Variants in CD46 observed in about 807,000 individuals in gnomAD.
CD46 encodes CD46 molecule.
Under a neutral mutation model 53.3 loss-of-function variants are expected in CD46, and 30 were observed. The observed-to-expected ratio is 0.56, with a 90% CI of 0.42 to 0.76. The LOEUF (loss-of-function observed/expected upper bound fraction) is 0.76. Ranked by LOEUF, CD46 falls within the 30% of genes least tolerant of loss-of-function variation. The pLI is 0.00. For synonymous variants in CD46, 142 were observed against 152.0 expected, an observed-to-expected ratio of 0.93 and a Z score of 0.48; for missense variants, 409 against 463.0, an observed-to-expected ratio of 0.88 and a Z score of 1.07.
intron 11 of CD46, among the ~76,000 whole-genome samples, chr1:207,789,870 G>GAAAAAAAAA (rs150136290): frequency 4.6e-5 from 2 of 43,346 alleles, no homozygotes; most frequent in African/African-American, 9.2e-5. Flanking sequence ...GCTGTGTCTT[G>GAAAAAAAAA]AAAAAAAAAA....
chr1:207,770,286 C>T, intron 7 of CD46, 35 bp from the exon 8 acceptor site: 1 of 1,474,412 alleles, frequency 6.8e-7, no homozygotes, highest in Non-Finnish European at 9.5e-7. Flanking sequence ...TGATAAGGCC[C>T]TGGTGAATTT....
intron 12 of CD46, 52 bp from the exon 13 acceptor site, chr1:207,793,467 C>A: frequency 1.5e-6 from 2 of 1,373,102 alleles, no homozygotes; most frequent in Non-Finnish European, 2.1e-6. Flanking sequence ...AATTTAATTT[C>A]TGTACTTAAT....
At position 207,752,389 on chromosome 1, in the gene CD46, T is replaced by C. The variant is rs530222855; in HGVS notation, c.97+80T>C. The C allele has an allele frequency of 7.2e-5, 95 of 1,324,748 alleles. No homozygotes were observed. The highest frequency in any genetic ancestry group is 1.0e-4 in the Non-Finnish European group (92 of 921,158). The allele number at this position is 1,324,748 out of a possible 1,614,324, so 82.1% of individuals were successfully genotyped here. On this transcript the variant is annotated intron_variant, in intron 1 of 12. Coordinates refer to ENST00000367042, the MANE Select transcript of CD46 (RefSeq NM_172351.3). The surrounding 1 kb of genome is among the most constrained non-coding windows in gnomAD (Gnocchi z 4.1). ...TCGGGCAAGAGTCGCGGGGCGGGGC[T>C]CACAGCAGGCCGTGCCTGTTTGGGG...
chr1:207,781,059 G>A (rs923042255), intron 8 of CD46, among the ~76,000 whole-genome samples: 1 of 150,686 alleles, frequency 6.6e-6, no homozygotes, highest in Admixed American at 6.6e-5. Context: ...TCTTAAAGGC[G>A]CCACCCCAAT....
At chr1:207,771,375 T>A (rs1049170139) in intron 8 of CD46, among the ~76,000 whole-genome samples, 1 of 152,254 alleles carries the variant, frequency 6.6e-6, no homozygotes, top group Non-Finnish European at 1.5e-5. Flanking sequence ...TAGTTTCTTT[T>A]GCTGTGCAGA....
intron 8 of CD46, among the ~76,000 whole-genome samples, chr1:207,774,155 T>TTG (rs1356097638): frequency 2.6e-5 from 4 of 152,240 alleles, no homozygotes; most frequent in African/African-American, 9.7e-5. Context: ...CTTTGTCTCT[T>TTG]TTGATCTTTG....
rs140898927 is a variant in CD46 at position 207,777,584 on chromosome 1, C to T, written c.944-5708C>T. Reference sequence around the variant, plus strand: ...GCCCCCACTTATAAGTGAGAACATGCGGTATTTGGGACGTTCCTGCTGAAG... The same window carrying T: ...GCCCCCACTTATAAGTGAGAACATGTGGTATTTGGGACGTTCCTGCTGAAG... On this transcript the variant is annotated intron_variant, in intron 8 of 12. Transcript: ENST00000367042. Among the ~76,000 whole-genome samples, 669 of 152,196 alleles carry T rather than the reference C, an allele frequency of 4.4e-3. 4 individuals are homozygous for T. The highest frequency in any genetic ancestry group is 0.017 in the Middle Eastern group (5 of 294).
At chr1:207,790,113 G>GA (rs1659663400) in intron 11 of CD46, 140 bp from the exon 12 acceptor site, 1 of 667,466 alleles carries the variant, frequency 1.5e-6, no homozygotes, top group Admixed American at 2.4e-5. Context: ...GTGAGAATGA[G>GA]AAAGTCTTAA....
rs1243497280 is a variant in CD46 at position 207,767,839 on chromosome 1, G to T, written c.901+16G>T. On this transcript the variant is annotated intron_variant, in intron 7 of 12. Coordinates refer to ENST00000367042, the MANE Select transcript of CD46 (RefSeq NM_172351.3). ...AGTGCCTCAGGTTTAGTAATTTCCTGCTTATAGTTTTTCAAAAATCCTTTA... is the reference window on the plus strand; with the variant it reads ...AGTGCCTCAGGTTTAGTAATTTCCTTCTTATAGTTTTTCAAAAATCCTTTA... The T allele has an allele frequency of 1.3e-6, 2 of 1,593,658 alleles. No individual in the cohort carries two copies. The highest frequency in any genetic ancestry group is 8.6e-7 in the Non-Finnish European group (1 of 1,162,284).
At position 207,761,439 on chromosome 1, in the gene CD46, G is replaced by A. The variant is rs773739945; in HGVS notation, c.666G>A (p.Glu222=). ...CAGTGTGGAGTCGTGCTGCTCCAGA[G>A]TGTAAAGGTAGTGTTTCAATTTATT... ...DNSVWSRAAP[E]CKVVKCRFPV... is the part of the protein sequence containing the mutation. Residue 222 remains glutamate, a synonymous_variant, in exon 5 of 13, where the codon GAG becomes GAA. Transcript: ENST00000367042. 1 of 1,612,724 alleles carries A rather than the reference G, an allele frequency of 6.2e-7. No homozygotes were observed. Among genetic ancestry groups the A allele is most frequent in the Middle Eastern group, 1.7e-4 (1 of 6,060 alleles).
intron 8 of CD46, among the ~76,000 whole-genome samples, chr1:207,772,896 A>G (rs774643501): frequency 2.0e-5 from 3 of 152,224 alleles, no homozygotes; most frequent in Non-Finnish European, 4.4e-5. Context: ...CTTTGGTATC[A>G]GGATGATGCT....
Position 207,770,303 on chromosome 1 carries a change from T to C in CD46, c.902-18T>C. ...ATAAGGCCCTGGTGAATTTATAAAA[T>C]CAAACTTATTTTTCTAGGTCCTAGG... On this transcript the variant is annotated intron_variant, in intron 7 of 12. Transcript: ENST00000367042. The C allele has an allele frequency of 6.3e-7, 1 of 1,584,948 alleles. No individual in the cohort carries two copies. Among genetic ancestry groups the C allele is most frequent in the Non-Finnish European group, 8.7e-7 (1 of 1,154,208 alleles).
intron 8 of CD46, among the ~76,000 whole-genome samples, chr1:207,780,471 G>T (rs1359234088): frequency 6.6e-6 from 1 of 151,998 alleles, no homozygotes; most frequent in Non-Finnish European, 1.5e-5. Context: ...GGGTTGGTTT[G>T]TTTTTACCTT....
intron 5 of CD46, among the ~76,000 whole-genome samples, chr1:207,766,420 TAAAG>T (rs569257150): frequency 2.0e-5 from 3 of 152,052 alleles, no homozygotes; most frequent in African/African-American, 7.2e-5. Context: ...AAATGTTGAC[TAAAG>T]AAAGAGAGAG....
chr1:207,767,324 C>A, intron 6 of CD46, 129 bp downstream of exon 6: 1 of 852,770 alleles, frequency 1.2e-6, no homozygotes, highest in Non-Finnish European at 2.0e-6. Flanking sequence ...GTATTTAACT[C>A]TGTCTTGTAT....
intron 7 of CD46, chr1:207,769,211 T>C: frequency 1.3e-5 from 2 of 152,418 alleles, no homozygotes; most frequent in Non-Finnish European, 2.9e-5. Context: ...TGAGCCAAGA[T>C]CATGCCACTG....
intron 12 of CD46, among the ~76,000 whole-genome samples, chr1:207,791,169 C>T (rs1293381584): frequency 6.6e-6 from 1 of 152,178 alleles, no homozygotes; most frequent in East Asian, 1.9e-4. Flanking sequence ...CTACCCAGTC[C>T]TATATACAGT....
At chr1:207,778,586 A>G (rs1041766517) in intron 8 of CD46, among the ~76,000 whole-genome samples, 4 of 152,208 alleles carry the variant, frequency 2.6e-5, no homozygotes, top group Non-Finnish European at 5.9e-5. Context: ...GTGGAAGATC[A>G]GATGGTCATA....
intron 11 of CD46, 65 bp from the exon 12 acceptor site, chr1:207,790,188 G>C: frequency 2.4e-6 from 2 of 821,984 alleles, no homozygotes; most frequent in East Asian, 2.4e-5. Flanking sequence ...CACTTGTTAT[G>C]CTACTCGTTT....
Sources: gnomAD v4.1 joint callset for allele counts (sites outside exome capture counted in the v4.1 genomes callset) on GRCh38, gnomAD v4.1.1 for gene constraint, Gnocchi (gnomAD v3.1) non-coding constraint, MANE v1.5 for transcripts, NCBI Gene and HGNC (gene_info 2026-07-23, HGNC 2026-07-21) for gene names.